The following ZC3HAV1 variants were observed in gnomAD, a reference collection of about 807,000 sequenced individuals.
ZC3HAV1 encodes zinc finger CCCH-type antiviral protein 1.
ZC3HAV1 carries 41 observed loss-of-function variants against 86.6 expected under a neutral mutation model. The observed-to-expected ratio is 0.47, with a 90% confidence interval of 0.37 to 0.61. The LOEUF (loss-of-function observed/expected upper bound fraction) is 0.61. Ranked by LOEUF, ZC3HAV1 falls within the 20% of genes least tolerant of loss-of-function variation. The pLI is 0.00. For missense variants in ZC3HAV1, 964 were observed against 1,141.1 expected (o/e 0.84, Z 2.24); for synonymous variants, 421 against 432.1 (o/e 0.97, Z 0.32).
intron 1 of ZC3HAV1, among the ~76,000 whole-genome samples, chr7:139,090,075 A>T (rs1226610057): frequency 6.6e-6 from 1 of 151,796 alleles, no homozygotes; most frequent in Non-Finnish European, 1.5e-5. Flanking sequence ...ACGCACCACC[A>T]CACCCGGCTA....
chr7:139,106,739 AT>A (rs957167039), intron 1 of ZC3HAV1, among the ~76,000 whole-genome samples: 4 of 151,920 alleles, frequency 2.6e-5, no homozygotes, highest in East Asian at 1.9e-4. Flanking sequence ...TAAAATTGTA[AT>A]TTTTTTTACA....
intron 9 of ZC3HAV1, among the ~76,000 whole-genome samples, chr7:139,055,557 T>C (rs1020358875): frequency 2.6e-5 from 4 of 152,258 alleles, no homozygotes; most frequent in African/African-American, 4.8e-5. Context: ...GTATTGACTC[T>C]TTTTTATATT....
intron 1 of ZC3HAV1, among the ~76,000 whole-genome samples, chr7:139,093,479 C>G (rs569797455): frequency 2.0e-5 from 3 of 152,294 alleles, no homozygotes; most frequent in African/African-American, 7.2e-5. Context: ...CGTATACATC[C>G]AGATGGCCTG....
rs1180561128 is a variant in ZC3HAV1, at chr7:139,044,126, C to T, written c.*3468G>A. 1 of 152,208 alleles carries T rather than the reference C, an allele frequency of 6.6e-6. No individual in the cohort carries two copies. Among genetic ancestry groups the T allele is most frequent in the African/African-American group, 2.4e-5 (1 of 41,464 alleles). 9.4% of individuals were successfully genotyped at this position (152,208 alleles called of 1,614,324 possible). The stretch of plus-strand genomic sequence containing the variant: ...ACCTACAGCTTGTCCGAGAGAGTAA[C>T]TCATTTGTTTTCTCTGAGACAATCT... On this transcript the variant is annotated 3_prime_UTR_variant, in exon 13 of 13. Coordinates refer to ENST00000242351, the MANE Select transcript of ZC3HAV1 (RefSeq NM_020119.4).
At chr7:139,101,329 C>A (rs1817755338) in intron 1 of ZC3HAV1, among the ~76,000 whole-genome samples, 2 of 147,656 alleles carry the variant, frequency 1.4e-5, no homozygotes, top group South Asian at 2.2e-4. Flanking sequence ...AGCAGCCCCT[C>A]TGCTCGGCTG....
chr7:139,078,212 C>T (rs1817011565), intron 5 of ZC3HAV1, among the ~76,000 whole-genome samples: 1 of 152,192 alleles, frequency 6.6e-6, no homozygotes, highest in Admixed American at 6.5e-5. Flanking sequence ...GCACTCCATC[C>T]TGGGTGACAG....
Position 139,101,333 on chromosome 7 carries a change from T to C in ZC3HAV1, c.308+7691A>G, listed in dbSNP as rs1196993792. 1.6e-3 allele frequency among the ~76,000 whole-genome samples: 228 copies of C among 139,284 alleles called. 1 individual carries two copies. Among genetic ancestry groups the C allele is most frequent in the African/African-American group, 5.8e-3 (212 of 36,294 alleles). 91.4% of individuals were successfully genotyped at this position (139,284 alleles called of 152,430 possible). A position where few individuals can be genotyped will look rare whatever the true frequency, so the allele number is the denominator to read the frequency against. On this transcript the variant is annotated intron_variant, in intron 1 of 12. Transcript: ENST00000242351. ...TCTGGGATGTGAGCAGCCCCTCTGC[T>C]CGGCTGCCCAGTCTGGGAAGTGAGG...
intron 7 of ZC3HAV1, among the ~76,000 whole-genome samples, chr7:139,066,751 C>T (rs1188536850): frequency 6.6e-6 from 1 of 152,088 alleles, no homozygotes; most frequent in African/African-American, 2.4e-5. Context: ...CTTGGTATCC[C>T]CTGGTTTGAC....
At chr7:139,105,381 GGA>G (rs1299668430) in intron 1 of ZC3HAV1, among the ~76,000 whole-genome samples, 2 of 152,136 alleles carry the variant, frequency 1.3e-5, no homozygotes, top group Admixed American at 6.5e-5. Flanking sequence ...AGACTAACCT[GGA>G]TATCATCTCC....
intron 8 of ZC3HAV1, 79 bp downstream of exon 8, chr7:139,064,799 AC>A: frequency 6.2e-7 from 1 of 1,606,254 alleles, no homozygotes; most frequent in Non-Finnish European, 8.5e-7. Context: ...AGCAATGCAT[AC>A]CCACTCTGCT....
At position 139,047,545 on chromosome 7, in the gene ZC3HAV1, A is replaced by G. The variant is rs781309971; in HGVS notation, c.*49T>C. 2 of 1,608,452 alleles carry G rather than the reference A, an allele frequency of 1.2e-6. No individual in the cohort carries two copies. The highest frequency in any genetic ancestry group is 2.2e-5 in the South Asian group (2 of 89,818). ...CCTGTCTGCGGCAATTTAGTTCTGT[A>G]AAGGAACAGAATGGTTATGGCATCC... is the stretch of plus-strand genomic sequence containing the variant. On this transcript the variant is annotated 3_prime_UTR_variant, in exon 13 of 13. Coordinates refer to ENST00000242351, the MANE Select transcript of ZC3HAV1 (RefSeq NM_020119.4).
intron 9 of ZC3HAV1, among the ~76,000 whole-genome samples, chr7:139,058,591 G>T (rs1246968092): frequency 2.0e-5 from 3 of 152,162 alleles, no homozygotes; most frequent in Non-Finnish European, 4.4e-5. Flanking sequence ...AGGTAGAAGT[G>T]GGTAAGTACT....
rs1261374065 is a variant in ZC3HAV1, at chr7:139,047,822, G to A, written c.2481C>T (p.Ser827=). 5 of 1,612,088 alleles carry A rather than the reference G, an allele frequency of 3.1e-6. No individual in the cohort carries two copies. The East Asian group carries it at 8.9e-5, about 29-fold the overall frequency. Residue 827 remains serine (S), a synonymous_variant, in exon 13 of 13, where the codon TCC becomes TCT. Transcript: ENST00000242351. The stretch of plus-strand genomic sequence containing the variant: ...TGGCATCATACGGGCAATTTTTGTG[G>A]GAATAGATGGCATCTTTTGCAAAGT... ...GIYFAKDAIY[S]HKNCPYDAKN...
chr7:139,078,615 C>G lies in ZC3HAV1; in HGVS notation c.1510G>C (p.Val504Leu). ...SDVTSTTSSR[V>L]DDHDSEEICL... ...ATTTCCTCTGAGTCATGATCATCCACCCTAGAAGATGTGGTACTTGTGACA... is the reference window on the plus strand; with the variant it reads ...ATTTCCTCTGAGTCATGATCATCCAGCCTAGAAGATGTGGTACTTGTGACA... Residue 504 changes from valine (V) to leucine (L), a missense_variant, in exon 5 of 13, where the codon GTG (valine) becomes CTG (leucine). Transcript: ENST00000242351. The G allele has an allele frequency of 6.3e-7, 1 of 1,590,082 alleles. No homozygotes were observed. Among genetic ancestry groups the G allele is most frequent in the Non-Finnish European group, 8.5e-7 (1 of 1,173,766 alleles).
At chr7:139,060,729 T>C in intron 9 of ZC3HAV1, 2 of 1,196,570 alleles carry the variant, frequency 1.7e-6, no homozygotes, top group Non-Finnish European at 1.1e-6. Context: ...GTATATATGA[T>C]TATTCCTTAG....
intron 1 of ZC3HAV1, among the ~76,000 whole-genome samples, chr7:139,102,401 A>G (rs909998170): frequency 6.6e-6 from 1 of 152,182 alleles, no homozygotes; most frequent in Non-Finnish European, 1.5e-5. Context: ...AAGTACTGGG[A>G]TTACAGATAT....
intron 1 of ZC3HAV1, among the ~76,000 whole-genome samples, chr7:139,101,054 G>C (rs12537511): frequency 0.22 from 33,729 of 151,814 alleles, 3,822 homozygotes; most frequent in East Asian, 0.42. Flanking sequence ...TGTGTTGGCC[G>C]GGCTGGTCTC....
chr7:139,084,808 A>G (rs1817229846), intron 2 of ZC3HAV1, among the ~76,000 whole-genome samples: 1 of 152,256 alleles, frequency 6.6e-6, no homozygotes, highest in African/African-American at 2.4e-5. Flanking sequence ...TGTTTGAACC[A>G]TGAAATGAGG....
At chr7:139,061,006 G>C (rs1446481614) in intron 9 of ZC3HAV1, 30 bp downstream of exon 9, 2 of 1,612,690 alleles carry the variant, frequency 1.2e-6, no homozygotes, top group African/African-American at 2.7e-5. Flanking sequence ...TCAAGCATCT[G>C]TCAGCAAACA....
Sources: gnomAD v4.1 joint callset for allele counts (sites outside exome capture counted in the v4.1 genomes callset) on GRCh38, gnomAD v4.1.1 for gene constraint, MANE v1.5 for transcripts, NCBI Gene and HGNC (gene_info 2026-07-23, HGNC 2026-07-21) for gene names.